MDN1: variants seen among roughly 807,000 people sequenced by gnomAD.
The protein encoded by MDN1 is midasin.
In MDN1, 266 loss-of-function variants were observed where a neutral mutation model predicts 669.2. The observed-to-expected ratio is 0.40, with a 90% CI of 0.36 to 0.44. The LOEUF (loss-of-function observed/expected upper bound fraction) is 0.44, where lower values mean the gene tolerates loss of function less well. Among genes scored for constraint, MDN1 ranks in the 20% least tolerant of loss-of-function variants. The pLI is 1.00. For missense variants in MDN1, 5,940 were observed against 6,754.0 expected (o/e 0.88, Z 4.22); for synonymous variants, 2,385 against 2,457.1 (o/e 0.97, Z 0.87).
intron 2 of MDN1, among the ~76,000 whole-genome samples, chr6:89,796,340 A>AAAAC (rs71298712): frequency 0.025 from 2,873 of 116,544 alleles, 176 homozygotes; most frequent in East Asian, 0.038. Context: ...AAAAAAAAAA[A>AAAAC]AAAAAAAAAA....
chr6:89,729,270 T>C, intron 35 of MDN1, 131 bp from the exon 36 acceptor site: 1 of 695,712 alleles, frequency 1.4e-6, no homozygotes, highest in Non-Finnish European at 2.4e-6. Flanking sequence ...GTGAAAATGT[T>C]CAATCCCTAT....
At chr6:89,755,189 T>C (rs563173293) in intron 20 of MDN1, among the ~76,000 whole-genome samples, 50 of 152,208 alleles carry the variant, frequency 3.3e-4, no homozygotes, top group Non-Finnish European at 6.0e-4. Context: ...ATTTAGGGTG[T>C]GTTGTGGTAA....
chr6:89,743,260 T>A lies in MDN1; in HGVS notation c.4338A>T (p.Arg1446Ser). 1 of 1,613,690 alleles carries A rather than the reference T, an allele frequency of 6.2e-7. No homozygotes were observed. Among genetic ancestry groups the A allele is most frequent in the Non-Finnish European group, 8.5e-7 (1 of 1,179,950 alleles). ...GAGGCCCATCATGCCACTCAAAGAG[T>A]CTTGATGTGTCAATTTCTTCCTATA... is the stretch of plus-strand genomic sequence containing the variant. The part of the protein sequence containing the change: ...PNDKEEIDTS[R>S]LFEWHDGPLV... The change falls in exon 31 of 102, where the codon AGA (arginine) becomes AGT (serine). Residue 1446 changes from arginine to serine, a missense_variant. Transcript: ENST00000369393.
At position 89,771,625 on chromosome 6, in the gene MDN1, T is replaced by C. The variant is rs1200740178; in HGVS notation, c.2084-4A>G. ...TTGACAACCCTCAAACGGTGGCCTT[T>C]TATAAAGAAAGTGCAAAAGTGTTAC... is the stretch of plus-strand genomic sequence containing the variant. On this transcript the variant is annotated splice_polypyrimidine_tract_variant and splice_region_variant and intron_variant, in intron 14 of 101. Coordinates refer to ENST00000369393, the MANE Select transcript of MDN1 (RefSeq NM_014611.3). The C allele has an allele frequency of 3.7e-6, 6 of 1,613,376 alleles. No individual in the cohort carries two copies. The South Asian group carries it at 5.5e-5, about 15-fold the overall frequency.
chr6:89,675,688 G>A (rs1317623540), intron 77 of MDN1, 109 bp from the exon 78 acceptor site: 1 of 800,670 alleles, frequency 1.2e-6, no homozygotes, highest in East Asian at 2.5e-5. Context: ...CCACACTCTA[G>A]AGGTGACATA....
In MDN1 at chr6:89,794,088, G is replaced by T; in HGVS notation, c.662+12C>A. ...ATGCTATAGCAAGACCTCCACGAAG[G>T]TTCCTGCTTACCTCAACCTGAAATG... is the stretch of plus-strand genomic sequence containing the variant. On this transcript the variant is annotated intron_variant, in intron 4 of 101. Transcript: ENST00000369393. The T allele has an allele frequency of 6.5e-7, 1 of 1,532,710 alleles. No homozygotes were observed. The highest frequency in any genetic ancestry group is 1.2e-5 in the South Asian group (1 of 83,232). 94.9% of individuals were successfully genotyped at this position (1,532,710 alleles called of 1,614,324 possible). A position where few individuals can be genotyped will look rare whatever the true frequency, so the allele number is the denominator to read the frequency against.
At chr6:89,777,595 T>C (rs1246236396) in intron 11 of MDN1, among the ~76,000 whole-genome samples, 1 of 152,144 alleles carries the variant, frequency 6.6e-6, no homozygotes, top group East Asian at 1.9e-4. Context: ...GTTTCTATAA[T>C]CCCTTAGTGC....
chr6:89,680,649 G>A lies in MDN1; in HGVS notation c.12205C>T (p.Leu4069=). Residue 4069 remains leucine, a synonymous_variant, in exon 74 of 102, where the codon CTG becomes TTG. Coordinates refer to ENST00000369393, the MANE Select transcript of MDN1 (RefSeq NM_014611.3). ...AGGGGGCTCTCCTTCATGAACGTCA[G>A]GCACATCTTCCTCATGCGTTTCCTG... ...KLRKRMRKMC[L]TFMKESPLPR... 1 of 1,614,162 alleles carries A rather than the reference G, an allele frequency of 6.2e-7. No homozygotes were observed. Among genetic ancestry groups the A allele is most frequent in the Non-Finnish European group, 8.5e-7 (1 of 1,180,034 alleles).
chr6:89,658,830 T>C lies in MDN1; in HGVS notation c.14801A>G (p.Glu4934Gly). 6.2e-7 allele frequency: 1 copy of C among 1,614,236 alleles called. No homozygotes were observed. The highest frequency in any genetic ancestry group is 8.5e-7 in the Non-Finnish European group (1 of 1,180,048). ...CTCAGGCTCCTGTGGACTCTGACTTTCGTTCTGGTCGGTCTCGGTCTCTCC... is the reference window on the plus strand; with the variant it reads ...CTCAGGCTCCTGTGGACTCTGACTTCCGTTCTGGTCGGTCTCGGTCTCTCC... ...ERGETETDQNESQSPQEPEEG... is the reference protein window; with the variant it reads ...ERGETETDQNGSQSPQEPEEG... Residue 4934 changes from glutamate (E) to glycine (G), a missense_variant, in exon 89 of 102, where the codon GAA becomes GGA. By Grantham distance (98) the Glu-to-Gly change is moderately conservative. Around this residue, in one of 5 missense-constraint regions of MDN1, gnomAD observed 2,280 missense variants for 2,576.3 expected, o/e 0.88. Coordinates refer to ENST00000369393, the MANE Select transcript of MDN1 (RefSeq NM_014611.3).
At chr6:89,758,210 G>C (rs1416528399) in intron 19 of MDN1, 45 bp downstream of exon 19, 3 of 1,477,610 alleles carry the variant, frequency 2.0e-6, no homozygotes, top group Non-Finnish European at 1.9e-6. Flanking sequence ...AACAGAGCAA[G>C]AACCTGTTGC....
At chr6:89,669,349 G>A (rs1296931224) in intron 83 of MDN1, among the ~76,000 whole-genome samples, 4 of 152,270 alleles carry the variant, frequency 2.6e-5, no homozygotes, top group Admixed American at 6.5e-5. Flanking sequence ...CACCAGAGGC[G>A]GAGAAACCTG....
chr6:89,802,949 C>T (rs1767762826), intron 2 of MDN1, among the ~76,000 whole-genome samples: 1 of 152,178 alleles, frequency 6.6e-6, no homozygotes, highest in South Asian at 2.1e-4. Context: ...TTCTAATCCA[C>T]TCCTTCAGCT....
chr6:89,732,389 T>C (rs1025312926), intron 34 of MDN1, among the ~76,000 whole-genome samples, 168 bp downstream of exon 34: 2 of 152,172 alleles, frequency 1.3e-5, no homozygotes, highest in Non-Finnish European at 2.9e-5. Context: ...GTATCCTGTG[T>C]GCCAATCACC....
Position 89,654,253 on chromosome 6 carries a change from A to G in MDN1, c.15572T>C (p.Met5191Thr), listed in dbSNP as rs899835976. The G allele has an allele frequency of 3.1e-6, 5 of 1,614,222 alleles. No individual in the cohort carries two copies. Among genetic ancestry groups the G allele is most frequent in the East Asian group, 4.5e-5 (2 of 44,888 alleles). ...GAACTCCTCCTGCTCCTCTGTGTCCATAAGGGTGTCCTCTATCTCCTCCTC... is the reference window on the plus strand; with the variant it reads ...GAACTCCTCCTGCTCCTCTGTGTCCGTAAGGGTGTCCTCTATCTCCTCCTC... The part of the protein sequence containing the change: ...QEEEEIEDTL[M>T]DTEEQEEFKA... Residue 5191 changes from methionine to threonine, a missense_variant, in exon 93 of 102, where the codon ATG becomes ACG. By Grantham distance (81) the Met-to-Thr change is moderately conservative. Around this residue, in one of 5 missense-constraint regions of MDN1, gnomAD observed 2,280 missense variants for 2,576.3 expected, o/e 0.88. Transcript: ENST00000369393.
intron 14 of MDN1, 139 bp from the exon 15 acceptor site, chr6:89,771,760 G>A: frequency 2.8e-6 from 2 of 702,044 alleles, no homozygotes; most frequent in South Asian, 1.9e-5. Context: ...CCAGGGTGGA[G>A]TGCAGTGGCC....
chr6:89,757,632 G>C (rs966357830), intron 19 of MDN1, among the ~76,000 whole-genome samples: 3 of 152,172 alleles, frequency 2.0e-5, no homozygotes, highest in African/African-American at 7.2e-5. Context: ...TAAATAAAGA[G>C]AATCTAAAAA....
At chr6:89,792,909 C>T (rs1438971531) in intron 5 of MDN1, among the ~76,000 whole-genome samples, 1 of 152,080 alleles carries the variant, frequency 6.6e-6, no homozygotes, top group Non-Finnish European at 1.5e-5. Flanking sequence ...ATCCCAGCTA[C>T]TCAGGAGGCT....
chr6:89,691,908 A>C lies in MDN1; in HGVS notation c.10587+535T>G, dbSNP rs1172347726. On this transcript the variant is annotated intron_variant, in intron 63 of 101. Coordinates refer to ENST00000369393, the MANE Select transcript of MDN1 (RefSeq NM_014611.3). ...TAAAAGCTGCTGCTACTACAAAAAAAAATTTGTAAGCCACTGGGACAAATT... is the reference window on the plus strand; with the variant it reads ...TAAAAGCTGCTGCTACTACAAAAAACAATTTGTAAGCCACTGGGACAAATT... 2.6e-5 allele frequency among the ~76,000 whole-genome samples: 4 copies of C among 152,204 alleles called. No homozygotes were observed. The East Asian group carries it at 7.7e-4, about 29-fold the overall frequency.
At chr6:89,803,576 A>G in intron 1 of MDN1, 22 bp from the exon 2 acceptor site, 1 of 1,518,446 alleles carries the variant, frequency 6.6e-7, no homozygotes, top group Admixed American at 1.9e-5. Context: ...AAAACAAAAC[A>G]TCTTTCACTT....
Sources: gnomAD v4.1 joint callset for allele counts (sites outside exome capture counted in the v4.1 genomes callset) on GRCh38, gnomAD v4.1.1 for gene constraint, gnomAD v4.1.1 regional missense constraint, MANE v1.5 for transcripts, NCBI Gene and HGNC (gene_info 2026-07-23, HGNC 2026-07-21) for gene names.